The following DLC1 variants were observed in gnomAD, a reference collection of about 807,000 sequenced individuals.
DLC1 encodes rho GTPase-activating protein 7.
Under a neutral mutation model 140.3 loss-of-function variants are expected in DLC1, and 54 were observed. That is an observed-to-expected ratio of 0.38 (90% confidence interval 0.31 to 0.48). The LOEUF is 0.48. DLC1 is among the 20% of genes least tolerant of loss of function. DLC1 has a pLI of 0.96. For synonymous variants in DLC1, 986 were observed against 728.1 expected, an observed-to-expected ratio of 1.35 and a Z score of -5.70; for missense variants, 2,536 against 1,907.0, an observed-to-expected ratio of 1.33 and a Z score of -6.14.
At chr8:13,228,172 C>G (rs1828880739) in intron 5 of DLC1, among the ~76,000 whole-genome samples, 1 of 151,806 alleles carries the variant, frequency 6.6e-6, no homozygotes, top group African/African-American at 2.4e-5. Context: ...AGCTCTTGTT[C>G]TAATATTCTT....
chr8:13,433,121 T>A (rs993786472), intron 2 of DLC1, among the ~76,000 whole-genome samples: 1 of 151,998 alleles, frequency 6.6e-6, no homozygotes, highest in African/African-American at 2.4e-5. Context: ...AAGTACAGGA[T>A]GTGTTAGCTA....
chr8:13,352,891 C>T (rs184280438), intron 4 of DLC1, among the ~76,000 whole-genome samples: 1 of 152,044 alleles, frequency 6.6e-6, no homozygotes, highest in Non-Finnish European at 1.5e-5. Context: ...CAAGTAATAA[C>T]CTCATTCTGT....
intron 4 of DLC1, among the ~76,000 whole-genome samples, chr8:13,390,831 CAAA>C (rs903908729): frequency 2.6e-5 from 4 of 151,622 alleles, no homozygotes. Context: ...ACTAAAAATA[CAAA>C]AAAATTAGCC....
intron 1 of DLC1, among the ~76,000 whole-genome samples, chr8:13,552,111 G>GTATATATATATATATATATATATA (rs3066465): frequency 2.8e-4 from 15 of 54,528 alleles, no homozygotes; most frequent in Admixed American, 4.5e-4. Context: ...GTCTAGAGGT[G>GTATATATATATATATATATATATA]TATATATATA....
intron 2 of DLC1, among the ~76,000 whole-genome samples, chr8:13,479,766 C>T (rs879404767): frequency 5.9e-5 from 1 of 17,044 alleles, no homozygotes; most frequent in Non-Finnish European, 4.1e-4. Context: ...GAATCTGTCT[C>T]AGAAAGAAAG....
chr8:13,276,197 C>T lies in DLC1; in HGVS notation c.1348+29072G>A, dbSNP rs141044739. Reference sequence around the variant, plus strand: ...TGAACCAAGCTTATCACTGCGTCTTCGCAGTAAATTGTTTTCTTTTTAATA... The same window carrying T: ...TGAACCAAGCTTATCACTGCGTCTTTGCAGTAAATTGTTTTCTTTTTAATA... On this transcript the variant is annotated intron_variant, in intron 5 of 17. Transcript: ENST00000276297. 1.0e-3 allele frequency: 1,521 copies of T among 1,522,072 alleles called. 3 individuals are homozygous for T. The highest frequency in any genetic ancestry group is 1.5e-3 in the Middle Eastern group (9 of 5,902). The allele number at this position is 1,522,072 out of a possible 1,614,324, so 94.3% of individuals were successfully genotyped here.
chr8:13,424,394 C>A (rs1838457966), intron 2 of DLC1, among the ~76,000 whole-genome samples: 1 of 151,924 alleles, frequency 6.6e-6, no homozygotes, highest in Non-Finnish European at 1.5e-5. Context: ...GAGGCTGAGA[C>A]AGGAGAATTC....
At chr8:13,536,353 A>G (rs1210364679) in intron 1 of DLC1, among the ~76,000 whole-genome samples, 2 of 152,228 alleles carry the variant, frequency 1.3e-5, no homozygotes, top group East Asian at 1.9e-4. Context: ...ACAAGGTTAT[A>G]ATCATGGAGC....
Position 13,088,512 on chromosome 8 carries a change from G to T in DLC1, c.4267C>A (p.Pro1423Thr). The T allele has an allele frequency of 6.2e-7, 1 of 1,614,214 alleles. No homozygotes were observed. The highest frequency in any genetic ancestry group is 8.5e-7 in the Non-Finnish European group (1 of 1,180,040). ...QYVQNSMAPHPARDYVVLRTW... is the reference protein window; with the variant it reads ...QYVQNSMAPHTARDYVVLRTW... The stretch of plus-strand genomic sequence containing the variant: ...CTTAAAACAACGTAGTCTCGAGCAG[G>T]ATGAGGTGCCATACTGTTTTGGACA... The change falls in exon 16 of 18, where the codon CCT (proline) becomes ACT (threonine). Residue 1423 changes from proline to threonine, a missense_variant. Coordinates refer to ENST00000276297, the MANE Select transcript of DLC1 (RefSeq NM_182643.3).
At chr8:13,436,332 T>C (rs550605261) in intron 2 of DLC1, among the ~76,000 whole-genome samples, 1 of 152,350 alleles carries the variant, frequency 6.6e-6, no homozygotes, top group East Asian at 1.9e-4. Context: ...TTATTATTAG[T>C]CCAGCAGGTT....
At chr8:13,172,743 A>C (rs1469306398) in intron 5 of DLC1, among the ~76,000 whole-genome samples, 1 of 152,220 alleles carries the variant, frequency 6.6e-6, no homozygotes, top group African/African-American at 2.4e-5. Flanking sequence ...ATTCCTCAGT[A>C]GCTTCGCTGA....
chr8:13,479,817 G>C (rs56059601), intron 2 of DLC1, among the ~76,000 whole-genome samples: 1 of 32,750 alleles, frequency 3.1e-5, no homozygotes, highest in East Asian at 1.7e-3. Context: ...AGAAGAAGAA[G>C]AAGAAGAAGA....
At chr8:13,101,755 C>T (rs1019800609) in intron 8 of DLC1, among the ~76,000 whole-genome samples, 28 of 152,198 alleles carry the variant, frequency 1.8e-4, no homozygotes, top group Non-Finnish European at 2.9e-4. Flanking sequence ...TTCACAAATA[C>T]CCAGCCCTGA....
At chr8:13,529,766 TCA>T (rs1217826604) in intron 1 of DLC1, among the ~76,000 whole-genome samples, 2 of 152,174 alleles carry the variant, frequency 1.3e-5, no homozygotes, top group African/African-American at 4.8e-5. Flanking sequence ...AATGGGGAAG[TCA>T]CAGTCAAAAT....
At chr8:13,132,387 T>C (rs1822178687) in intron 5 of DLC1, among the ~76,000 whole-genome samples, 1 of 151,710 alleles carries the variant, frequency 6.6e-6, no homozygotes, top group African/African-American at 2.4e-5. Context: ...CCAAAAATGG[T>C]TGAAAAGGAA....
intron 5 of DLC1, among the ~76,000 whole-genome samples, chr8:13,229,151 C>T (rs1038467606): frequency 1.3e-5 from 2 of 152,146 alleles, no homozygotes; most frequent in African/African-American, 4.8e-5. Flanking sequence ...CAGCTTTCTT[C>T]ATAATAACCA....
intron 5 of DLC1, among the ~76,000 whole-genome samples, chr8:13,188,690 G>A (rs1229179436): frequency 2.9e-5 from 4 of 137,934 alleles, no homozygotes; most frequent in African/African-American, 5.4e-5. Flanking sequence ...CTGCAACTTC[G>A]TCCAACTGGG....
chr8:13,338,104 T>C (rs182950346), intron 4 of DLC1, among the ~76,000 whole-genome samples: 25 of 152,246 alleles, frequency 1.6e-4, no homozygotes, highest in Admixed American at 1.4e-3. Flanking sequence ...TTCTGTGCAA[T>C]TGAAAGAACC....
chr8:13,581,310 G>T (rs915296630), intron 1 of DLC1, among the ~76,000 whole-genome samples: 3 of 152,096 alleles, frequency 2.0e-5, no homozygotes, highest in Admixed American at 2.0e-4. Context: ...AGGAAAAAAC[G>T]GAACCATTTG....
Sources: allele counts gnomAD v4.1 joint callset (sites outside exome capture counted in the v4.1 genomes callset), GRCh38; gene constraint gnomAD v4.1.1; transcripts MANE v1.5; gene names NCBI Gene and HGNC (gene_info 2026-07-23, HGNC 2026-07-21).